Variants in COLGALT2 observed in about 807,000 individuals in gnomAD.
COLGALT2 encodes the protein procollagen galactosyltransferase 2.
In COLGALT2, 49 loss-of-function variants were observed where a neutral mutation model predicts 73.4. That is an observed-to-expected ratio of 0.67 (90% CI 0.53 to 0.85). The LOEUF (loss-of-function observed/expected upper bound fraction) is 0.85, where lower values mean the gene tolerates loss of function less well. Ranked by LOEUF, COLGALT2 falls within the 40% of genes least tolerant of loss-of-function variation. The pLI, the probability that COLGALT2 is intolerant of heterozygous loss-of-function variation, is 0.00. For missense variants in COLGALT2, 722 were observed against 790.2 expected (o/e 0.91, Z 1.03); for synonymous variants, 295 against 307.6 (o/e 0.96, Z 0.43).
chr1:183,956,131 A>G (rs1192813946), intron 6 of COLGALT2, among the ~76,000 whole-genome samples: 3 of 152,250 alleles, frequency 2.0e-5, no homozygotes, highest in African/African-American at 7.2e-5. Flanking sequence ...TTGTTGTATG[A>G]AGCCAATCAG....
At chr1:183,983,662 C>T (rs551930945) in intron 1 of COLGALT2, among the ~76,000 whole-genome samples, 45 of 152,272 alleles carry the variant, frequency 3.0e-4, no homozygotes, top group Non-Finnish European at 5.6e-4. Context: ...AAAACCTCTG[C>T]GGCTGAGGTG....
rs1670023040 is a variant in COLGALT2, at chr1:183,938,483, T to A, written c.*278A>T. ...AATGTGGGAATCAGTATCACATGAG[T>A]AGTGAACTGAAGAATTAGGTGTCTG... is the stretch of plus-strand genomic sequence containing the variant. On this transcript the variant is annotated 3_prime_UTR_variant, in exon 12 of 12. Coordinates refer to ENST00000361927, the MANE Select transcript of COLGALT2 (RefSeq NM_015101.4). The A allele has an allele frequency of 7.8e-7, 1 of 1,289,316 alleles. No homozygotes were observed. The highest frequency in any genetic ancestry group is 1.8e-5 in the South Asian group (1 of 56,714). The allele number at this position is 1,289,316 out of a possible 1,614,324, so 79.9% of individuals were successfully genotyped here. A position where few individuals can be genotyped will look rare whatever the true frequency, so the allele number is the denominator to read the frequency against.
At chr1:183,961,319 T>C (rs1313635682) in intron 6 of COLGALT2, among the ~76,000 whole-genome samples, 1 of 152,212 alleles carries the variant, frequency 6.6e-6, no homozygotes, top group Non-Finnish European at 1.5e-5. Flanking sequence ...ATCATTAAAA[T>C]CTTTATTGAT....
At position 183,938,278 on chromosome 1, in the gene COLGALT2, T is replaced by C. The variant is rs1670014802; in HGVS notation, c.*483A>G. On this transcript the variant is annotated 3_prime_UTR_variant, in exon 12 of 12. Transcript: ENST00000361927. ...ATAAAAAGCCAAATAAATATGATTT[T>C]AAGTGATTCCTGTCCCCCAAAAGTT... The C allele has an allele frequency of 2.0e-6, 2 of 982,286 alleles. No individual in the cohort carries two copies. Among genetic ancestry groups the C allele is most frequent in the Non-Finnish European group, 2.4e-6 (2 of 828,962 alleles). The allele number at this position is 982,286 out of a possible 1,614,324, so 60.8% of individuals were successfully genotyped here.
At position 183,997,123 on chromosome 1, in the gene COLGALT2, A is replaced by C. The variant is rs370253116; in HGVS notation, c.264-18603T>G. Among the ~76,000 whole-genome samples the C allele has an allele frequency of 5.9e-5, 9 of 152,338 alleles. No homozygotes were observed. In the East Asian group the frequency reaches 1.7e-3, roughly 29 times the overall value. ...CACCATCAACCTAGCATGGAATTTC[A>C]AGTAAATCAATTTACTTCTCAAGTT... On this transcript the variant is annotated intron_variant, in intron 1 of 11. Transcript: ENST00000361927.
chr1:183,954,597 C>T (rs1670502533), intron 7 of COLGALT2, among the ~76,000 whole-genome samples, 165 bp downstream of exon 7: 4 of 152,142 alleles, frequency 2.6e-5, no homozygotes, highest in Admixed American at 1.3e-4. Flanking sequence ...GATAAGGAAA[C>T]TGAGAACAAC....
At position 183,937,297 on chromosome 1, in the gene COLGALT2, C is replaced by T; in HGVS notation, c.*1464G>A. ...ATGCCTGGGAGGGTTTTTCTGGAGA[C>T]AAAAATTTACAGATTGAGGGCATGA... On this transcript the variant is annotated 3_prime_UTR_variant, in exon 12 of 12. Transcript: ENST00000361927. 9.0e-7 allele frequency: 1 copy of T among 1,105,936 alleles called. No individual in the cohort carries two copies. Among genetic ancestry groups the T allele is most frequent in the Non-Finnish European group, 1.1e-6 (1 of 908,832 alleles). 68.5% of individuals were successfully genotyped at this position (1,105,936 alleles called of 1,614,324 possible). A position where few individuals can be genotyped will look rare whatever the true frequency, so the allele number is the denominator to read the frequency against.
chr1:183,936,947 C>T lies in COLGALT2; in HGVS notation c.*1814G>A. ...CCTAAAGTGGGGACCCGCCCCTCAC[C>T]TGGGGAGATGAGGCTGCCTTGACTA... On this transcript the variant is annotated 3_prime_UTR_variant, in exon 12 of 12. Coordinates refer to ENST00000361927, the MANE Select transcript of COLGALT2 (RefSeq NM_015101.4). 8.1e-7 allele frequency: 1 copy of T among 1,231,728 alleles called. No homozygotes were observed. The highest frequency in any genetic ancestry group is 1.0e-6 in the Non-Finnish European group (1 of 987,980). The allele number at this position is 1,231,728 out of a possible 1,614,324, so 76.3% of individuals were successfully genotyped here.
At chr1:184,035,422 C>A (rs774092376) in intron 1 of COLGALT2, among the ~76,000 whole-genome samples, 2 of 152,234 alleles carry the variant, frequency 1.3e-5, no homozygotes, top group South Asian at 4.1e-4. Flanking sequence ...ATGTTTCCTG[C>A]CTTTTTAGGG....
chr1:183,953,341 C>T (rs191580018), intron 7 of COLGALT2, among the ~76,000 whole-genome samples: 27 of 152,250 alleles, frequency 1.8e-4, no homozygotes, highest in Non-Finnish European at 2.6e-4. Context: ...GTAGAGTCTC[C>T]GAGCCTGTGC....
At chr1:184,014,025 G>A (rs541717753) in intron 1 of COLGALT2, among the ~76,000 whole-genome samples, 1 of 152,282 alleles carries the variant, frequency 6.6e-6, no homozygotes, top group South Asian at 2.1e-4. Context: ...TGAGATATAA[G>A]TTAGAGGAAT....
At position 183,936,649 on chromosome 1, in the gene COLGALT2, C is replaced by A. The variant is rs1306402681; in HGVS notation, c.*2112G>T. Reference sequence around the variant, plus strand: ...TTAAAGTCATGCACACATGCACACACTCAAATATGAAAACAAAAACCAGAT... The same window carrying A: ...TTAAAGTCATGCACACATGCACACAATCAAATATGAAAACAAAAACCAGAT... On this transcript the variant is annotated 3_prime_UTR_variant, in exon 12 of 12. Coordinates refer to ENST00000361927, the MANE Select transcript of COLGALT2 (RefSeq NM_015101.4). 3.3e-6 allele frequency: 4 copies of A among 1,220,760 alleles called. No individual in the cohort carries two copies. Among genetic ancestry groups the A allele is most frequent in the Non-Finnish European group, 4.1e-6 (4 of 981,848 alleles). 75.6% of individuals were successfully genotyped at this position (1,220,760 alleles called of 1,614,324 possible). A position where few individuals can be genotyped will look rare whatever the true frequency, so the allele number is the denominator to read the frequency against.
chr1:183,959,467 C>A (rs1165260866), intron 6 of COLGALT2, among the ~76,000 whole-genome samples: 1 of 152,174 alleles, frequency 6.6e-6, no homozygotes, highest in African/African-American at 2.4e-5. Context: ...GCATATCAGG[C>A]TAAAATCTTG....
chr1:183,986,728 A>T (rs538332430), intron 1 of COLGALT2, among the ~76,000 whole-genome samples: 1 of 152,304 alleles, frequency 6.6e-6, no homozygotes, highest in South Asian at 2.1e-4. Context: ...GCCACACACT[A>T]ACCCATTTTT....
chr1:183,940,694 G>C lies in COLGALT2; in HGVS notation c.1491C>G (p.Thr497=), dbSNP rs267598230. 1.9e-6 allele frequency: 3 copies of C among 1,614,168 alleles called. No homozygotes were observed. The highest frequency in any genetic ancestry group is 2.5e-6 in the Non-Finnish European group (3 of 1,180,026). The change falls in exon 11 of 12, where the codon ACC becomes ACG. Residue 497 remains threonine (T), a synonymous_variant. Transcript: ENST00000361927. ...CTTCCAGAGAGATGACGTAGCCCAG[G>C]GTCCAGTAGGAATAGTCGGCTTCGA... is the stretch of plus-strand genomic sequence containing the variant. The part of the protein sequence containing the change: ...NLVEADYSYW[T]LGYVISLEGA...
At chr1:184,013,848 A>T (rs1490033540) in intron 1 of COLGALT2, among the ~76,000 whole-genome samples, 1 of 152,140 alleles carries the variant, frequency 6.6e-6, no homozygotes, top group African/African-American at 2.4e-5. Flanking sequence ...AAGTGAAAAA[A>T]ATCTAGAGGA....
intron 1 of COLGALT2, among the ~76,000 whole-genome samples, chr1:184,035,436 C>T (rs1434700056): frequency 6.6e-6 from 1 of 152,140 alleles, no homozygotes; most frequent in Non-Finnish European, 1.5e-5. Context: ...TTTAGGGTGG[C>T]CTTGGGTTCA....
intron 1 of COLGALT2, among the ~76,000 whole-genome samples, chr1:183,992,167 T>C (rs138163889): frequency 8.8e-4 from 134 of 152,214 alleles, no homozygotes; most frequent in Non-Finnish European, 1.7e-3. Flanking sequence ...ACTATCTCCA[T>C]TATACAGAGG....
chr1:183,971,141 C>T (rs900125368), intron 4 of COLGALT2, among the ~76,000 whole-genome samples: 7 of 152,158 alleles, frequency 4.6e-5, no homozygotes, highest in African/African-American at 1.7e-4. Context: ...CCTTTTTCCA[C>T]ATAAATTGAA....
Sources: allele counts gnomAD v4.1 joint callset (sites outside exome capture counted in the v4.1 genomes callset), GRCh38; gene constraint gnomAD v4.1.1; transcripts MANE v1.5; gene names NCBI Gene and HGNC (gene_info 2026-07-23, HGNC 2026-07-21).